FHIT: variants seen among roughly 807,000 people sequenced by gnomAD.
The protein encoded by FHIT is bis(5'-adenosyl)-triphosphatase.
FHIT carries 19 observed loss-of-function variants against 17.9 expected under a neutral mutation model. That is an observed-to-expected ratio of 1.06 (90% CI 0.74 to 1.56). The LOEUF (loss-of-function observed/expected upper bound fraction) is 1.56. Ranked by LOEUF, FHIT falls within the 40% of genes most tolerant of loss-of-function variation. FHIT has a pLI of 0.00. For synonymous variants in FHIT, 81 were observed against 69.7 expected, an observed-to-expected ratio of 1.16 and a Z score of -0.81; for missense variants, 248 against 189.2, an observed-to-expected ratio of 1.31 and a Z score of -1.82.
At chr3:59,770,171 G>A (rs1482344841) in intron 8 of FHIT, among the ~76,000 whole-genome samples, 2 of 152,222 alleles carry the variant, frequency 1.3e-5, no homozygotes, top group Non-Finnish European at 2.9e-5. Flanking sequence ...GGCTTACCAT[G>A]TGCCAGGCAC....
chr3:60,586,345 C>T (rs536235883), intron 4 of FHIT, among the ~76,000 whole-genome samples: 1 of 151,996 alleles, frequency 6.6e-6, no homozygotes, highest in African/African-American at 2.4e-5. Context: ...CAGATGTGCT[C>T]TTATCCAGCA....
chr3:60,279,890 G>C (rs573917917), intron 5 of FHIT, among the ~76,000 whole-genome samples: 2 of 151,912 alleles, frequency 1.3e-5, no homozygotes, highest in South Asian at 2.1e-4. Flanking sequence ...AAATTAGCCA[G>C]GTATGGTGGC....
chr3:61,136,233 C>G (rs1009973850), intron 2 of FHIT, among the ~76,000 whole-genome samples: 1 of 151,760 alleles, frequency 6.6e-6, no homozygotes, highest in African/African-American at 2.4e-5. Context: ...CCCCACCCCC[C>G]TCACCCGACC....
chr3:60,724,701 T>C (rs1735474), intron 4 of FHIT, among the ~76,000 whole-genome samples: 24,876 of 144,682 alleles, frequency 0.17, 2,306 homozygotes, highest in African/African-American at 0.23. Flanking sequence ...CAGGCTGGAG[T>C]GCAGTGATGC....
intron 7 of FHIT, among the ~76,000 whole-genome samples, chr3:59,958,504 T>C (rs1034318464): frequency 2.0e-5 from 3 of 152,142 alleles, no homozygotes; most frequent in Admixed American, 1.3e-4. Context: ...AAAAATATAA[T>C]GAAGTGCTAT....
intron 4 of FHIT, among the ~76,000 whole-genome samples, chr3:60,677,464 G>A (rs1553695655): frequency 6.6e-6 from 1 of 152,068 alleles, no homozygotes; most frequent in African/African-American, 2.4e-5. Flanking sequence ...TTCCATCCAT[G>A]TTGTTGTAAA....
intron 4 of FHIT, among the ~76,000 whole-genome samples, chr3:60,691,422 G>T (rs1481746735): frequency 2.0e-5 from 3 of 151,206 alleles, no homozygotes; most frequent in Admixed American, 2.0e-4. Flanking sequence ...AGGCTGGAGG[G>T]CAATGGCACA....
At chr3:60,907,400 G>A (rs1232027130) in intron 3 of FHIT, among the ~76,000 whole-genome samples, 11 of 152,178 alleles carry the variant, frequency 7.2e-5, no homozygotes, top group African/African-American at 2.7e-4. Context: ...GAATATTCTA[G>A]ATTAAGAGGG....
At chr3:60,448,504 C>G (rs1283418604) in intron 5 of FHIT, among the ~76,000 whole-genome samples, 3 of 152,148 alleles carry the variant, frequency 2.0e-5, no homozygotes, top group African/African-American at 7.2e-5. Context: ...CACAGTAACT[C>G]TGAATTAAAT....
At chr3:60,555,790 A>G (rs1406608240) in intron 4 of FHIT, among the ~76,000 whole-genome samples, 1 of 152,234 alleles carries the variant, frequency 6.6e-6, no homozygotes, top group African/African-American at 2.4e-5. Context: ...CTAACAAGCT[A>G]GCAGACTGAG....
intron 8 of FHIT, among the ~76,000 whole-genome samples, chr3:59,763,179 T>G (rs1392355976): frequency 2.6e-5 from 4 of 152,244 alleles, no homozygotes; most frequent in Non-Finnish European, 5.9e-5. Context: ...TGGAATCTCC[T>G]GAACATTTCA....
At chr3:60,425,780 T>C (rs1302814233) in intron 5 of FHIT, among the ~76,000 whole-genome samples, 1 of 147,916 alleles carries the variant, frequency 6.8e-6, no homozygotes, top group Non-Finnish European at 1.5e-5. Flanking sequence ...CAATTAATTT[T>C]ATAATCAATA....
chr3:60,121,757 G>A (rs1346950619), intron 5 of FHIT, among the ~76,000 whole-genome samples: 1 of 149,578 alleles, frequency 6.7e-6, no homozygotes, highest in Non-Finnish European at 1.5e-5. Flanking sequence ...TTAGCCCTGT[G>A]CCTAATGTCA....
chr3:60,845,468 A>G (rs2106885428), intron 3 of FHIT, among the ~76,000 whole-genome samples: 1 of 152,306 alleles, frequency 6.6e-6, no homozygotes, highest in East Asian at 1.9e-4. Flanking sequence ...CCAGGAAGAA[A>G]AAAGATAACA....
chr3:60,771,847 C>T (rs782503040), intron 4 of FHIT, among the ~76,000 whole-genome samples: 4 of 152,118 alleles, frequency 2.6e-5, no homozygotes, highest in South Asian at 2.1e-4. Flanking sequence ...TTTTCACCAG[C>T]CTGGAACTTT....
At chr3:60,785,089 AC>A (rs1345627133) in intron 4 of FHIT, among the ~76,000 whole-genome samples, 2 of 152,216 alleles carry the variant, frequency 1.3e-5, no homozygotes, top group African/African-American at 4.8e-5. Context: ...GGGGATCTGA[AC>A]AGAAGCCAGA....
At chr3:60,029,274 C>A (rs143160904) in intron 5 of FHIT, among the ~76,000 whole-genome samples, 3 of 152,100 alleles carry the variant, frequency 2.0e-5, no homozygotes, top group Non-Finnish European at 4.4e-5. Flanking sequence ...TTTCCGCTTG[C>A]GTGGTCATTT....
intron 2 of FHIT, among the ~76,000 whole-genome samples, chr3:61,152,797 A>C (rs1031248374): frequency 3.3e-5 from 5 of 152,186 alleles, no homozygotes; most frequent in Admixed American, 6.5e-5. Flanking sequence ...TGGAGGTAGG[A>C]AAGATGGCTG....
intron 5 of FHIT, among the ~76,000 whole-genome samples, chr3:60,441,770 TTATATGTATAAAAATATA>T (rs2030863571): frequency 9.4e-5 from 4 of 42,556 alleles, no homozygotes; most frequent in Non-Finnish European, 2.3e-4. Context: ...ATATATATAT[TTATATGTATAAAAATATA>T]TATATATATA....
Sources: gnomAD v4.1 joint callset for allele counts (sites outside exome capture counted in the v4.1 genomes callset) on GRCh38, gnomAD v4.1.1 for gene constraint, MANE v1.5 for transcripts, NCBI Gene and HGNC (gene_info 2026-07-23, HGNC 2026-07-21) for gene names.